ERCC3: variants seen among roughly 807,000 people sequenced by gnomAD.
The protein encoded by ERCC3 is ERCC excision repair 3, TFIIH core complex helicase subunit.
In ERCC3, 66 loss-of-function variants were observed where a neutral mutation model predicts 94.2. That is an observed-to-expected ratio of 0.70 (90% CI 0.57 to 0.86). The LOEUF (loss-of-function observed/expected upper bound fraction) is 0.86. Among genes scored for constraint, ERCC3 ranks in the 40% least tolerant of loss-of-function variants. The pLI is 0.00. For synonymous variants in ERCC3, 349 were observed against 369.1 expected (o/e 0.95, Z 0.63); for missense variants, 829 against 987.1 (o/e 0.84, Z 2.15).
chr2:127,272,357 G>A (rs1290762025), intron 11 of ERCC3, among the ~76,000 whole-genome samples: 1 of 151,968 alleles, frequency 6.6e-6, no homozygotes, highest in Non-Finnish European at 1.5e-5. Context: ...CTTTGGGTCT[G>A]TCTTAATCTG....
chr2:127,269,897 G>A (rs1370348805), intron 12 of ERCC3, among the ~76,000 whole-genome samples: 3 of 152,158 alleles, frequency 2.0e-5, no homozygotes, highest in Non-Finnish European at 4.4e-5. Flanking sequence ...GTGCACGCCT[G>A]TAGTCCGGGT....
At chr2:127,273,061 T>TA (rs1446915907) in intron 10 of ERCC3, 100 bp from the exon 11 acceptor site, 2 of 778,542 alleles carry the variant, frequency 2.6e-6, no homozygotes, top group African/African-American at 3.5e-5. Context: ...TCTTCTCAAG[T>TA]AGAAAGCCCT....
At chr2:127,292,904 G>A (rs1034773228) in intron 2 of ERCC3, 58 bp from the exon 3 acceptor site, 30 of 1,087,724 alleles carry the variant, frequency 2.8e-5, no homozygotes, top group Non-Finnish European at 3.8e-5. Flanking sequence ...GAGACTACTG[G>A]GCTCTTGCCC....
intron 12 of ERCC3, among the ~76,000 whole-genome samples, chr2:127,269,717 G>A (rs1684491118): frequency 6.6e-6 from 1 of 150,628 alleles, no homozygotes; most frequent in Non-Finnish European, 1.5e-5. Flanking sequence ...CACCGCGCCT[G>A]GCCTTCTATT....
rs1286330448 is a variant in ERCC3 at position 127,280,882 on chromosome 2, C to T, written c.1343-251G>A. ...TGTGCAACTTAACACTGGCTTATGA[C>T]ACCACCTGAACTAACCCTTGGGTTT... On this transcript the variant is annotated intron_variant, in intron 8 of 14. Coordinates refer to ENST00000285398, the MANE Select transcript of ERCC3 (RefSeq NM_000122.2). This position sits in a 1 kb window ranked among gnomAD's most constrained non-coding sequence, Gnocchi z 6.3. 3.6e-6 allele frequency: 2 copies of T among 551,994 alleles called. No individual in the cohort carries two copies. Among genetic ancestry groups the T allele is most frequent in the Non-Finnish European group, 6.4e-6 (2 of 314,460 alleles). 34.2% of individuals were successfully genotyped at this position (551,994 alleles called of 1,614,324 possible).
chr2:127,268,231 G>A (rs1684442189), intron 12 of ERCC3, among the ~76,000 whole-genome samples: 1 of 152,126 alleles, frequency 6.6e-6, no homozygotes, highest in Non-Finnish European at 1.5e-5. Flanking sequence ...TAGGATTACA[G>A]GTGTGAGCCA....
Position 127,280,988 on chromosome 2 carries a change from T to A in ERCC3, c.1343-357A>T. On this transcript the variant is annotated intron_variant, in intron 8 of 14. Coordinates refer to ENST00000285398, the MANE Select transcript of ERCC3 (RefSeq NM_000122.2). This position sits in a 1 kb window ranked among gnomAD's most constrained non-coding sequence, Gnocchi z 6.3. ...ACTTTTAGACCTGTCCAAAAGAAAA[T>A]GAAAAGGAGAACAAGAGGGTGAAAT... 3 of 448,432 alleles carry A rather than the reference T, an allele frequency of 6.7e-6. No homozygotes were observed. The highest frequency in any genetic ancestry group is 1.2e-5 in the Non-Finnish European group (3 of 255,686). 27.8% of individuals were successfully genotyped at this position (448,432 alleles called of 1,614,324 possible). A position where few individuals can be genotyped will look rare whatever the true frequency, so the allele number is the denominator to read the frequency against.
At position 127,261,367 on chromosome 2, in the gene ERCC3, CG is replaced by C. The variant is rs757776796; in HGVS notation, c.1946-22del. The C allele has an allele frequency of 4.5e-5, 64 of 1,422,644 alleles. No homozygotes were observed. The Admixed American group carries it at 1.1e-3, about 23-fold the overall frequency. 88.1% of individuals were successfully genotyped at this position (1,422,644 alleles called of 1,614,324 possible). A position where few individuals can be genotyped will look rare whatever the true frequency, so the allele number is the denominator to read the frequency against. On this transcript the variant is annotated intron_variant, in intron 12 of 14. Transcript: ENST00000285398. Reference sequence around the variant, plus strand: ...CATCCCTGCAGGAAAAAATGAGAAACGGCAATAAAGAAGACAACATTAGCCA... The same window carrying C: ...CATCCCTGCAGGAAAAAATGAGAAACGCAATAAAGAAGACAACATTAGCCA...
chr2:127,293,639 T>A lies in ERCC3; in HGVS notation c.108A>T (p.Glu36Asp). The A allele has an allele frequency of 6.2e-7, 1 of 1,614,188 alleles. No individual in the cohort carries two copies. The highest frequency in any genetic ancestry group is 2.2e-5 in the East Asian group (1 of 44,878). The change falls in exon 2 of 15, where the codon GAA becomes GAT. Residue 36 changes from glutamate to aspartate, a missense_variant. Coordinates refer to ENST00000285398, the MANE Select transcript of ERCC3 (RefSeq NM_000122.2). ...GCTTCCCCGCCGCCGAGGGAACCGC[T>A]TCCTGAGGGTCGTTCCCCGGGGCGT... is the stretch of plus-strand genomic sequence containing the variant. ...EEDAPGNDPQ[E>D]AVPSAAGKQV...
In ERCC3 at chr2:127,292,763, T is replaced by G; in HGVS notation, c.318A>C (p.Pro106=). 6.2e-7 allele frequency: 1 copy of G among 1,614,000 alleles called. No homozygotes were observed. The highest frequency in any genetic ancestry group is 8.5e-7 in the Non-Finnish European group (1 of 1,180,000). The stretch of plus-strand genomic sequence containing the variant: ...CATGCACATGGGTTGGTCGGCACAC[T>G]GGCTCTGCAATAGCCACCAAGAAGT... ...AQDFLVAIAE[P]VCRPTHVHEY... The change falls in exon 3 of 15, where the codon CCA becomes CCC. Residue 106 remains proline, a synonymous_variant. Coordinates refer to ENST00000285398, the MANE Select transcript of ERCC3 (RefSeq NM_000122.2).
chr2:127,286,475 G>T (rs1685068943), intron 8 of ERCC3, among the ~76,000 whole-genome samples: 1 of 152,148 alleles, frequency 6.6e-6, no homozygotes, highest in Admixed American at 6.5e-5. Flanking sequence ...GAACCTGGGA[G>T]GTGGAAGTTG....
At chr2:127,287,061 A>C (rs1421191895) in intron 7 of ERCC3, 44 bp from the exon 8 acceptor site, 2 of 1,498,920 alleles carry the variant, frequency 1.3e-6, no homozygotes, top group South Asian at 2.3e-5. Context: ...ACAGGTTGAA[A>C]TGAAGGACAG....
intron 13 of ERCC3, chr2:127,260,928 T>C (rs943083249): frequency 3.4e-5 from 14 of 415,202 alleles, no homozygotes; most frequent in Middle Eastern, 1.5e-3. Flanking sequence ...TACCAGCTGA[T>C]GAAAGGAAGA....
rs2104782786 is a variant in ERCC3 at position 127,293,530 on chromosome 2, A to C, written c.217T>G (p.Ser73Ala). 6.2e-7 allele frequency: 1 copy of C among 1,613,996 alleles called. No homozygotes were observed. Among genetic ancestry groups the C allele is most frequent in the Non-Finnish European group, 8.5e-7 (1 of 1,179,976 alleles). ...ATGCTTACCACCCAGAGGGGCCTGG[A>C]GGTGTGGTCGTCCTTCAGCGGCATT... ...LQMPLKDDHT[S>A]RPLWVAPDGH... The change falls in exon 2 of 15, where the codon TCC becomes GCC. Residue 73 changes from serine to alanine, a missense_variant. Coordinates refer to ENST00000285398, the MANE Select transcript of ERCC3 (RefSeq NM_000122.2).
rs547974486 is a variant in ERCC3 at position 127,287,147 on chromosome 2, C to T, written c.1028-130G>A. On this transcript the variant is annotated intron_variant, in intron 7 of 14. Coordinates refer to ENST00000285398, the MANE Select transcript of ERCC3 (RefSeq NM_000122.2). ...ACAGTCCACATAGCTGACATCTGAG[C>T]GACACACACTGCTCCAGCCTGTTTT... 631 of 696,136 alleles carry T rather than the reference C, an allele frequency of 9.1e-4. 3 individuals carry two copies. The highest frequency in any genetic ancestry group is 1.2e-3 in the Non-Finnish European group (466 of 397,148). The allele number at this position is 696,136 out of a possible 1,614,324, so 43.1% of individuals were successfully genotyped here.
In ERCC3 at chr2:127,257,589, C is replaced by T; in HGVS notation, c.*7G>A. On this transcript the variant is annotated 3_prime_UTR_variant, in exon 15 of 15. Transcript: ENST00000285398. The surrounding 1 kb of genome is among the most constrained non-coding windows in gnomAD (Gnocchi z 5.4). ...GCCGGTCTTGAACGAAGTACCCTGC[C>T]TAAGCATCATTTCCTAAAGCGCTTG... 6.2e-7 allele frequency: 1 copy of T among 1,613,750 alleles called. No homozygotes were observed. The highest frequency in any genetic ancestry group is 8.5e-7 in the Non-Finnish European group (1 of 1,180,030).
In ERCC3 at chr2:127,274,951, G is replaced by A. The variant is rs4150478; in HGVS notation, c.1731-1990C>T. On this transcript the variant is annotated intron_variant, in intron 10 of 14. Coordinates refer to ENST00000285398, the MANE Select transcript of ERCC3 (RefSeq NM_000122.2). This position sits in a 1 kb window ranked among gnomAD's most constrained non-coding sequence, Gnocchi z 4.0. ...ACCAGGACCCAGTACACATTGGGTG[G>A]CAGTAGCTCCATGTGACCGAAGTAC... Among the ~76,000 whole-genome samples the A allele has an allele frequency of 0.033, 5,024 of 152,256 alleles. 110 individuals are homozygous for A. The highest frequency in any genetic ancestry group is 0.046 in the Non-Finnish European group (3,116 of 68,024).
intron 10 of ERCC3, among the ~76,000 whole-genome samples, chr2:127,273,322 C>A (rs1684625814): frequency 6.6e-6 from 1 of 151,984 alleles, no homozygotes; most frequent in Non-Finnish European, 1.5e-5. Context: ...CTGCTATTTC[C>A]AAAAAAAGGC....
intron 2 of ERCC3, 130 bp from the exon 3 acceptor site, chr2:127,292,976 C>T (rs1685328574): frequency 2.8e-6 from 2 of 706,610 alleles, no homozygotes; most frequent in Non-Finnish European, 5.1e-6. Context: ...AGCACTCCTT[C>T]AGACAACTGT....
Sources: allele counts gnomAD v4.1 joint callset (sites outside exome capture counted in the v4.1 genomes callset), GRCh38; gene constraint gnomAD v4.1.1; non-coding constraint Gnocchi (gnomAD v3.1); transcripts MANE v1.5; gene names NCBI Gene and HGNC (gene_info 2026-07-23, HGNC 2026-07-21).